The following RNF34 variants were observed in gnomAD, a reference collection of about 807,000 sequenced individuals.
The protein encoded by RNF34 is ring finger protein 34.
Under a neutral mutation model 37.9 loss-of-function variants are expected in RNF34, and 12 were observed. The ratio of observed to expected loss-of-function variants is 0.32; its 90% CI spans 0.20 to 0.51. The LOEUF (loss-of-function observed/expected upper bound fraction) is 0.51. RNF34 is among the 20% of genes least tolerant of loss of function. RNF34 has a pLI of 0.97. For missense variants in RNF34, 362 were observed against 472.7 expected (o/e 0.77, Z 2.17); for synonymous variants, 155 against 177.2 (o/e 0.87, Z 1.00).
chr12:121,407,672 AAAAT>A (rs1422982660), intron 1 of RNF34, among the ~76,000 whole-genome samples: 3 of 152,274 alleles, frequency 2.0e-5, no homozygotes, highest in Admixed American at 6.5e-5. Context: ...GAATAAAAGA[AAAAT>A]AAAGGAATAC....
intron 5 of RNF34, among the ~76,000 whole-genome samples, chr12:121,422,651 C>T (rs949879690): frequency 2.0e-5 from 3 of 152,212 alleles, no homozygotes; most frequent in Admixed American, 1.3e-4. Flanking sequence ...TCATGATTCC[C>T]TTTGATCTCC....
At chr12:121,400,241 C>G (rs566065726) in intron 1 of RNF34, 23 bp downstream of exon 1, 8 of 1,607,228 alleles carry the variant, frequency 5.0e-6, no homozygotes, top group South Asian at 4.4e-5. Context: ...TGGAGCCGGA[C>G]AGACCCTCCT....
At position 121,417,797 on chromosome 12, in the gene RNF34, CT is replaced by C. The variant is rs1363178804; in HGVS notation, c.525del (p.Phe175LeufsTer77). ...LNSSRSQTSS[F>X]FTRSFFSNYT... ...ATTCTTCAAGGTCCCAGACTTCTAG[CT>C]TTTTTACACGTTCGTTTTTTTCAAA... On this transcript the variant is annotated frameshift_variant, in exon 3 of 6. Transcript: ENST00000361234. LOFTEE classifies it high-confidence loss of function. This position sits in a 1 kb window ranked among gnomAD's most constrained non-coding sequence, Gnocchi z 5.0. 6.2e-7 allele frequency: 1 copy of C among 1,614,136 alleles called. No homozygotes were observed. Among genetic ancestry groups the C allele is most frequent in the Admixed American group, 1.7e-5 (1 of 60,016 alleles).
rs569484009 is a variant in RNF34 at position 121,411,285 on chromosome 12, T to C, written c.7-4874T>C. On this transcript the variant is annotated intron_variant, in intron 1 of 5. Transcript: ENST00000361234. ...AAATTAAGTGTTTTTCTTCATTTTC[T>C]TTCTGGGGAACAAAGAGGAAATTCC... Among the ~76,000 whole-genome samples, 3 of 152,292 alleles carry C rather than the reference T, an allele frequency of 2.0e-5. No homozygotes were observed. In the East Asian group the frequency reaches 5.8e-4, roughly 29 times the overall value.
chr12:121,415,610 T>TTTTTAAATAAATAAATTTA (rs1871491837), intron 1 of RNF34, among the ~76,000 whole-genome samples: 2 of 152,084 alleles, frequency 1.3e-5, no homozygotes, highest in Non-Finnish European at 2.9e-5. Context: ...TGAGACCCTG[T>TTTTTAAATAAATAAATTTA]TTTTAAATAA....
chr12:121,412,888 T>C (rs1871220418), intron 1 of RNF34, among the ~76,000 whole-genome samples: 1 of 151,462 alleles, frequency 6.6e-6, no homozygotes, highest in African/African-American at 2.4e-5. Context: ...CAGCTATTTT[T>C]GTATTTTTAG....
At chr12:121,416,790 T>G (rs1344394658) in intron 2 of RNF34, among the ~76,000 whole-genome samples, 1 of 152,238 alleles carries the variant, frequency 6.6e-6, no homozygotes, top group East Asian at 1.9e-4. Context: ...CTTTAGAGAT[T>G]CAACATCAAA....
Position 121,417,680 on chromosome 12 carries a change from A to G in RNF34, c.402A>G (p.Ile134Met), listed in dbSNP as rs202010836. The stretch of plus-strand genomic sequence containing the variant: ...ATCTCATTCTGAGAAATATACCCAT[A>G]GATACTTGTCGTGAGAAAGAAGACT... ...RQYLILRNIP[I>M]DTCREKEDLV... The change falls in exon 3 of 6, where the codon ATA (isoleucine) becomes ATG (methionine). Residue 134 changes from isoleucine to methionine, a missense_variant. Physicochemically the swap from Ile to Met is conservative, Grantham distance 10. Coordinates refer to ENST00000361234, the MANE Select transcript of RNF34 (RefSeq NM_025126.4). This position sits in a 1 kb window ranked among gnomAD's most constrained non-coding sequence, Gnocchi z 5.0. The G allele has an allele frequency of 6.2e-7, 1 of 1,614,214 alleles. No individual in the cohort carries two copies. Among genetic ancestry groups the G allele is most frequent in the East Asian group, 2.2e-5 (1 of 44,892 alleles).
chr12:121,421,431 T>G (rs1872153037), intron 5 of RNF34, among the ~76,000 whole-genome samples: 2 of 137,252 alleles, frequency 1.5e-5, no homozygotes, highest in Non-Finnish European at 1.6e-5. Context: ...CACCAGCCTG[T>G]GGTCCCAGCT....
chr12:121,405,566 C>G (rs1302170257), intron 1 of RNF34, among the ~76,000 whole-genome samples: 1 of 152,126 alleles, frequency 6.6e-6, no homozygotes, highest in East Asian at 1.9e-4. Context: ...TTACCGCAAC[C>G]TCCGTCTCCC....
chr12:121,420,528 AG>A, intron 4 of RNF34, 48 bp from the exon 5 acceptor site: 2 of 1,595,026 alleles, frequency 1.3e-6, no homozygotes, highest in Non-Finnish European at 8.6e-7. Context: ...TAGAGTGGGG[AG>A]GGTCTGGACT....
At chr12:121,420,417 A>G (rs782575372) in intron 4 of RNF34, 83 bp downstream of exon 4, 35 of 1,551,666 alleles carry the variant, frequency 2.3e-5, no homozygotes, top group Non-Finnish European at 3.0e-5. Flanking sequence ...TCGCTAGATT[A>G]GTACAGGATG....
chr12:121,420,541 AT>A, intron 4 of RNF34, 35 bp from the exon 5 acceptor site: 3 of 1,607,874 alleles, frequency 1.9e-6, no homozygotes, highest in South Asian at 2.2e-5. Context: ...GTCTGGACTT[AT>A]GGGACCAGGG....
rs782195914 is a variant in RNF34 at position 121,416,227 on chromosome 12, CAG to C, written c.76_77del (p.Arg26GlyfsTer20). The stretch of plus-strand genomic sequence containing the variant: ...ATGAAGTCATGGGAACTGGAGCTGT[CAG>C]GGGCCAGCAGTCAGCATTTGCAGGA... Reference protein sequence around the residue: ...LNEVMGTGAVRGQQSAFAGAT... With the variant: ...LNEVMGTGAVXGQQSAFAGAT... On this transcript the variant is annotated frameshift_variant, in exon 2 of 6. Transcript: ENST00000361234. LOFTEE classifies it high-confidence loss of function. 8 of 1,614,098 alleles carry C rather than the reference CAG, an allele frequency of 5.0e-6. No homozygotes were observed. The highest frequency in any genetic ancestry group is 6.8e-6 in the Non-Finnish European group (8 of 1,180,014).
chr12:121,406,244 G>C (rs535611735), intron 1 of RNF34, among the ~76,000 whole-genome samples: 7 of 147,320 alleles, frequency 4.8e-5, no homozygotes, highest in Non-Finnish European at 1.0e-4. Context: ...GGCAGTCCAG[G>C]CAGGTTTTAG....
intron 1 of RNF34, among the ~76,000 whole-genome samples, chr12:121,412,375 G>A (rs1448290922): frequency 6.6e-6 from 1 of 151,618 alleles, no homozygotes; most frequent in Non-Finnish European, 1.5e-5. Flanking sequence ...GAGTAGCTGG[G>A]ACTACAGGTG....
chr12:121,420,390 C>G, intron 4 of RNF34, 56 bp downstream of exon 4: 1 of 1,553,952 alleles, frequency 6.4e-7, no homozygotes, highest in South Asian at 1.2e-5. Flanking sequence ...CAGGAAGGGA[C>G]AGTGCCCTGT....
At position 121,423,374 on chromosome 12, in the gene RNF34, G is replaced by A. The variant is rs1555283753; in HGVS notation, c.929-12G>A. 3 of 1,594,388 alleles carry A rather than the reference G, an allele frequency of 1.9e-6. No individual in the cohort carries two copies. Among genetic ancestry groups the A allele is most frequent in the Non-Finnish European group, 2.6e-6 (3 of 1,168,610 alleles). On this transcript the variant is annotated splice_polypyrimidine_tract_variant and intron_variant, in intron 5 of 5. Coordinates refer to ENST00000361234, the MANE Select transcript of RNF34 (RefSeq NM_025126.4). The surrounding 1 kb of genome is among the most constrained non-coding windows in gnomAD (Gnocchi z 4.3). ...CCTGAAGCCGAGGCCTTAGCTCTCT[G>A]TTGCCTTTCAGATGGCGAGCGGCTG... is the stretch of plus-strand genomic sequence containing the variant.
At chr12:121,412,207 A>T (rs1871134333) in intron 1 of RNF34, among the ~76,000 whole-genome samples, 1 of 140,476 alleles carries the variant, frequency 7.1e-6, no homozygotes, top group Admixed American at 7.2e-5. Flanking sequence ...GACTACAGGC[A>T]CGTGCCACCA....
Sources: gnomAD v4.1 joint callset for allele counts (sites outside exome capture counted in the v4.1 genomes callset) on GRCh38, gnomAD v4.1.1 for gene constraint, Gnocchi (gnomAD v3.1) non-coding constraint, MANE v1.5 for transcripts, NCBI Gene and HGNC (gene_info 2026-07-23, HGNC 2026-07-21) for gene names.